PNPO: variants seen among roughly 807,000 people sequenced by gnomAD.
PNPO encodes pyridoxamine 5'-phosphate oxidase.
A neutral mutation model predicts 35.0 loss-of-function variants in PNPO; 39 were observed. That is an observed-to-expected ratio of 1.11 (90% CI 0.86 to 1.45). PNPO has a LOEUF of 1.45. Ranked by LOEUF, PNPO falls within the 40% of genes most tolerant of loss-of-function variation. The probability of loss-of-function intolerance (pLI) is 0.00; values close to 1 mark genes in which losing one functional copy is unlikely to be tolerated. For synonymous variants in PNPO, 115 were observed against 119.8 expected, an observed-to-expected ratio of 0.96 and a Z score of 0.26; for missense variants, 288 against 340.0, an observed-to-expected ratio of 0.85 and a Z score of 1.20.
At chr17:47,946,555 G>A in intron 6 of PNPO, 59 bp from the exon 7 acceptor site, 2 of 1,570,010 alleles carry the variant, frequency 1.3e-6, no homozygotes, top group Admixed American at 1.7e-5. Context: ...GGTGAGGGTG[G>A]GAGAGTGACC....
rs1297978723 is a variant in PNPO, at chr17:47,948,603, C to A, written c.*1821C>A. On this transcript the variant is annotated 3_prime_UTR_variant, in exon 7 of 7. Transcript: ENST00000642017. ...GGAGCATCAGCATCACTTGGCAGCG[C>A]CTTAGAGATTCAGACCCCAGACCCA... 2 of 152,292 alleles carry A rather than the reference C, an allele frequency of 1.3e-5. No individual in the cohort carries two copies. The allele number at this position is 152,292 out of a possible 1,614,324, so 9.4% of individuals were successfully genotyped here.
Position 47,941,918 on chromosome 17 carries a change from G to A in PNPO, c.138+105G>A, listed in dbSNP as rs572362302. 118 of 1,398,460 alleles carry A rather than the reference G, an allele frequency of 8.4e-5. No homozygotes were observed. The African/African-American group carries it at 1.6e-3, about 19-fold the overall frequency. The allele number at this position is 1,398,460 out of a possible 1,614,324, so 86.6% of individuals were successfully genotyped here. A position where few individuals can be genotyped will look rare whatever the true frequency, so the allele number is the denominator to read the frequency against. Reference sequence around the variant, plus strand: ...AGTAGGAGCCCCTCGGGGCTTCTGGGGCCACCCGGTGGGGCAAGGAGGTTT... The same window carrying A: ...AGTAGGAGCCCCTCGGGGCTTCTGGAGCCACCCGGTGGGGCAAGGAGGTTT... On this transcript the variant is annotated intron_variant, in intron 1 of 6. Coordinates refer to ENST00000642017, the MANE Select transcript of PNPO (RefSeq NM_018129.4).
Position 47,945,985 on chromosome 17 carries a change from G to A in PNPO, c.542G>A (p.Arg181Gln), listed in dbSNP as rs377328326. ...VSHQSSVIPD[R>Q]EYLRKKNEEL... is the part of the protein sequence containing the mutation. Reference sequence around the variant, plus strand: ...CACCAGAGTTCTGTGATCCCTGATCGGGAGGTGAGTGGAGCTCCGCTGTAG... The same window carrying A: ...CACCAGAGTTCTGTGATCCCTGATCAGGAGGTGAGTGGAGCTCCGCTGTAG... The change falls in exon 5 of 7, where the codon CGG (arginine) becomes CAG (glutamine). Residue 181 changes from arginine to glutamine, a missense_variant. By Grantham distance (43) the Arg-to-Gln change is conservative. Coordinates refer to ENST00000642017, the MANE Select transcript of PNPO (RefSeq NM_018129.4). The surrounding 1 kb of genome is among the most constrained non-coding windows in gnomAD (Gnocchi z 4.0). 177 of 1,613,724 alleles carry A rather than the reference G, an allele frequency of 1.1e-4. No individual in the cohort carries two copies. In the African/African-American group the frequency reaches 1.1e-3, roughly 10 times the overall value.
At chr17:47,944,482 T>C (rs557452669) in intron 2 of PNPO, 134 bp from the exon 3 acceptor site, 5 of 780,930 alleles carry the variant, frequency 6.4e-6, no homozygotes, top group Non-Finnish European at 1.2e-5. Flanking sequence ...CAGGAGCACA[T>C]GGGACGGGGT....
In PNPO at chr17:47,945,182, T is replaced by C. The variant is rs1160762584; in HGVS notation, c.364-377T>C. ...GCTGTATCCCCCGCACGTCTCCTGT[T>C]GTCAGACCCAGAGTGGGCACTTCGC... is the stretch of plus-strand genomic sequence containing the variant. On this transcript the variant is annotated intron_variant, in intron 3 of 6. Transcript: ENST00000642017. This position sits in a 1 kb window ranked among gnomAD's most constrained non-coding sequence, Gnocchi z 4.0. The C allele has an allele frequency of 1.6e-5, 6 of 385,104 alleles. No individual in the cohort carries two copies. The highest frequency in any genetic ancestry group is 3.0e-5 in the Non-Finnish European group (6 of 202,354). 23.9% of individuals were successfully genotyped at this position (385,104 alleles called of 1,614,324 possible). A position where few individuals can be genotyped will look rare whatever the true frequency, so the allele number is the denominator to read the frequency against.
intron 1 of PNPO, among the ~76,000 whole-genome samples, chr17:47,942,917 C>G (rs2035960320): frequency 6.6e-6 from 1 of 152,072 alleles, no homozygotes; most frequent in Admixed American, 6.6e-5. Context: ...CAGAGTGAGA[C>G]CCTGTCTAAA....
In PNPO at chr17:47,946,007, G is replaced by A. The variant is rs1244794784; in HGVS notation, c.546+18G>A. 2 of 1,613,348 alleles carry A rather than the reference G, an allele frequency of 1.2e-6. No homozygotes were observed. The highest frequency in any genetic ancestry group is 1.7e-5 in the Admixed American group (1 of 60,034). On this transcript the variant is annotated intron_variant, in intron 5 of 6. Coordinates refer to ENST00000642017, the MANE Select transcript of PNPO (RefSeq NM_018129.4). ...ATCGGGAGGTGAGTGGAGCTCCGCT[G>A]TAGTCCTCCAGGTGGTGGAGGCTTT... is the stretch of plus-strand genomic sequence containing the variant.
At position 47,945,741 on chromosome 17, in the gene PNPO, C is replaced by T. The variant is rs2035998376; in HGVS notation, c.418-120C>T. The T allele has an allele frequency of 1.4e-6, 2 of 1,475,224 alleles. No homozygotes were observed. Among genetic ancestry groups the T allele is most frequent in the Non-Finnish European group, 1.9e-6 (2 of 1,060,658 alleles). The allele number at this position is 1,475,224 out of a possible 1,614,324, so 91.4% of individuals were successfully genotyped here. ...TGGGCACTCTGCCTCTAAAATAGCC[C>T]TCAGTTAGTTGGAGCCAAGAGTGGT... On this transcript the variant is annotated intron_variant, in intron 4 of 6. Coordinates refer to ENST00000642017, the MANE Select transcript of PNPO (RefSeq NM_018129.4). The surrounding 1 kb of genome is among the most constrained non-coding windows in gnomAD (Gnocchi z 4.0).
At chr17:47,944,450 T>A (rs928489164) in intron 2 of PNPO, among the ~76,000 whole-genome samples, 166 bp from the exon 3 acceptor site, 7 of 151,958 alleles carry the variant, frequency 4.6e-5, no homozygotes, top group Non-Finnish European at 7.4e-5. Flanking sequence ...GGCTGTGGTG[T>A]CATACCTCTA....
chr17:47,942,436 G>T (rs1010691532), intron 1 of PNPO, among the ~76,000 whole-genome samples: 2 of 152,170 alleles, frequency 1.3e-5, no homozygotes, highest in Non-Finnish European at 2.9e-5. Flanking sequence ...TGCCAGGTGG[G>T]CATGGTCATG....
intron 1 of PNPO, among the ~76,000 whole-genome samples, chr17:47,942,686 G>C (rs2035956483): frequency 6.6e-6 from 1 of 152,186 alleles, no homozygotes; most frequent in Admixed American, 6.5e-5. Flanking sequence ...AAATCTGGTT[G>C]CATGTGGGCA....
At chr17:47,946,089 C>A in intron 5 of PNPO, 100 bp downstream of exon 5, 1 of 1,450,886 alleles carries the variant, frequency 6.9e-7, no homozygotes, top group Non-Finnish European at 9.6e-7. Flanking sequence ...CAGGAGATGT[C>A]CTCTCTCTCC....
At chr17:47,944,530 G>A (rs2035983751) in intron 2 of PNPO, 86 bp from the exon 3 acceptor site, 14 of 1,012,266 alleles carry the variant, frequency 1.4e-5, no homozygotes, top group Non-Finnish European at 2.2e-5. Flanking sequence ...AGCTGGAGGG[G>A]GTGCTGAGAC....
rs569292493 is a variant in PNPO at position 47,948,475 on chromosome 17, C to T, written c.*1693C>T. 2.6e-5 allele frequency: 4 copies of T among 152,290 alleles called. No individual in the cohort carries two copies. In the South Asian group the frequency reaches 8.3e-4, roughly 32 times the overall value. 9.4% of individuals were successfully genotyped at this position (152,290 alleles called of 1,614,324 possible). ...GTCTCTACTATGATATGAATGCAGC[C>T]TGGGCACTGGGAAATTTAAAAACTC... On this transcript the variant is annotated 3_prime_UTR_variant, in exon 7 of 7. Coordinates refer to ENST00000642017, the MANE Select transcript of PNPO (RefSeq NM_018129.4).
intron 6 of PNPO, 71 bp downstream of exon 6, chr17:47,946,464 G>A (rs2036010428): frequency 2.1e-6 from 3 of 1,397,888 alleles, no homozygotes; most frequent in Admixed American, 1.7e-5. Context: ...CACCTGCCTG[G>A]GGAATCACAG....
At chr17:47,946,477 C>A in intron 6 of PNPO, 84 bp downstream of exon 6, 1 of 1,378,910 alleles carries the variant, frequency 7.3e-7, no homozygotes, top group Non-Finnish European at 1.0e-6. Context: ...AATCACAGAT[C>A]TCCTCCTCCC....
chr17:47,947,417 C>CTT lies in PNPO; in HGVS notation c.*636_*637insTT, dbSNP rs1426341232. ...ACACCCCACTATCTCTGTAAAGTCT[C>CTT]TCTCTCTCTTTTTTTTTTTTTTACT... is the stretch of plus-strand genomic sequence containing the variant. On this transcript the variant is annotated 3_prime_UTR_variant, in exon 7 of 7. Transcript: ENST00000642017. 3 of 131,990 alleles carry CTT rather than the reference C, an allele frequency of 2.3e-5. No homozygotes were observed. Among genetic ancestry groups the CTT allele is most frequent in the Admixed American group, 2.2e-4 (3 of 13,526 alleles). The allele number at this position is 131,990 out of a possible 1,614,324, so 8.2% of individuals were successfully genotyped here.
Position 47,947,515 on chromosome 17 carries a change from TTTTTTTC to T in PNPO, c.*745_*751del, listed in dbSNP as rs886053104. The T allele has an allele frequency of 2.7e-5, 4 of 150,140 alleles. No individual in the cohort carries two copies. The East Asian group carries it at 8.2e-4, about 31-fold the overall frequency. The allele number at this position is 150,140 out of a possible 1,614,324, so 9.3% of individuals were successfully genotyped here. ...TTTACGGATAGGACTTTTTTTTTTC[TTTTTTTC>T]TTTTTTCTTTTCTTTTTTTTTTTTG... is the stretch of plus-strand genomic sequence containing the variant. On this transcript the variant is annotated 3_prime_UTR_variant, in exon 7 of 7. Coordinates refer to ENST00000642017, the MANE Select transcript of PNPO (RefSeq NM_018129.4).
chr17:47,942,135 T>G, intron 1 of PNPO: 1 of 748,154 alleles, frequency 1.3e-6, no homozygotes, highest in Non-Finnish European at 1.8e-6. Context: ...GAAGTGATAG[T>G]ATCTGCCTCA....
Sources: allele counts gnomAD v4.1 joint callset (sites outside exome capture counted in the v4.1 genomes callset), GRCh38; gene constraint gnomAD v4.1.1; non-coding constraint Gnocchi (gnomAD v3.1); transcripts MANE v1.5; gene names NCBI Gene and HGNC (gene_info 2026-07-23, HGNC 2026-07-21).